MSL2: variants seen among roughly 807,000 people sequenced by gnomAD.
The protein encoded by MSL2 is MSL complex subunit 2, also known as E3 ubiquitin-protein ligase MSL2.
MSL2 carries 2 observed loss-of-function variants against 35.8 expected under a neutral mutation model. The ratio of observed to expected loss-of-function variants is 0.06; its 90% CI spans 0.02 to 0.18. MSL2 has a LOEUF of 0.18. MSL2 is among the 10% of genes least tolerant of loss of function. MSL2 has a pLI of 1.00. For missense variants in MSL2, 523 were observed against 706.7 expected, an observed-to-expected ratio of 0.74 and a Z score of 2.95; for synonymous variants, 296 against 255.7, an observed-to-expected ratio of 1.16 and a Z score of -1.50.
intron 1 of MSL2, among the ~76,000 whole-genome samples, chr3:136,175,142 G>A (rs982119513): frequency 1.4e-4 from 22 of 151,958 alleles, no homozygotes; most frequent in African/African-American, 3.9e-4. Flanking sequence ...TCAGGAGTTC[G>A]ATACCAGCCT....
chr3:136,168,347 A>G (rs1460773769), intron 1 of MSL2, among the ~76,000 whole-genome samples: 3 of 152,244 alleles, frequency 2.0e-5, no homozygotes, highest in African/African-American at 4.8e-5. Context: ...GAAAAAGAAC[A>G]CAAACCAGTT....
At chr3:136,184,045 C>G (rs1156928598) in intron 1 of MSL2, among the ~76,000 whole-genome samples, 1 of 152,196 alleles carries the variant, frequency 6.6e-6, no homozygotes, top group East Asian at 1.9e-4. Flanking sequence ...CCTGTAATCG[C>G]AGCACTTTGG....
Position 136,195,341 on chromosome 3 carries a change from T to G in MSL2, c.-228A>C. The G allele has an allele frequency of 7.6e-7, 1 of 1,320,148 alleles. No individual in the cohort carries two copies. Among genetic ancestry groups the G allele is most frequent in the Non-Finnish European group, 9.6e-7 (1 of 1,037,670 alleles). The allele number at this position is 1,320,148 out of a possible 1,614,324, so 81.8% of individuals were successfully genotyped here. A position where few individuals can be genotyped will look rare whatever the true frequency, so the allele number is the denominator to read the frequency against. ...CCCTGAGACTTCCAGACCAAAAATA[T>G]GAGAGAGAAACCAGCGTTCGAGTTC... On this transcript the variant is annotated 5_prime_UTR_variant, in exon 1 of 2. Coordinates refer to ENST00000309993, the MANE Select transcript of MSL2 (RefSeq NM_018133.4).
chr3:136,173,866 C>G (rs995635909), intron 1 of MSL2, among the ~76,000 whole-genome samples: 1 of 152,194 alleles, frequency 6.6e-6, no homozygotes, highest in African/African-American at 2.4e-5. Context: ...TAAGCTTTCT[C>G]CAAGAACTCC....
chr3:136,192,583 T>TAA lies in MSL2; in HGVS notation c.142+2387_142+2388dup, dbSNP rs59221992. Among the ~76,000 whole-genome samples the TAA allele has an allele frequency of 6.6e-3, 850 of 129,626 alleles. 10 individuals are homozygous for TAA. The highest frequency in any genetic ancestry group is 0.022 in the African/African-American group (803 of 35,756). The allele number at this position is 129,626 out of a possible 152,430, so 85.0% of individuals were successfully genotyped here. A position where few individuals can be genotyped will look rare whatever the true frequency, so the allele number is the denominator to read the frequency against. ...CAGAAGAAAATTAAGAAAGCAAAGATAAAAAAAAAAAGAAAAAGATATAAA... is the reference window on the plus strand; with the variant it reads ...CAGAAGAAAATTAAGAAAGCAAAGATAAAAAAAAAAAAAGAAAAAGATATAAA... On this transcript the variant is annotated intron_variant, in intron 1 of 1. Coordinates refer to ENST00000309993, the MANE Select transcript of MSL2 (RefSeq NM_018133.4).
At chr3:136,183,347 G>C (rs576174196) in intron 1 of MSL2, among the ~76,000 whole-genome samples, 1 of 152,276 alleles carries the variant, frequency 6.6e-6, no homozygotes, top group East Asian at 1.9e-4. Context: ...AAATACTTGA[G>C]GCCAAGAGTT....
chr3:136,180,033 C>T lies in MSL2; in HGVS notation c.142+14939G>A, dbSNP rs549836545. ...TGAGCTGAGATCCCTCCACTGCACT[C>T]CAGCTTGGGCAACAGAGCGAGACTC... On this transcript the variant is annotated intron_variant, in intron 1 of 1. Coordinates refer to ENST00000309993, the MANE Select transcript of MSL2 (RefSeq NM_018133.4). 2.0e-5 allele frequency among the ~76,000 whole-genome samples: 3 copies of T among 152,110 alleles called. No homozygotes were observed. The East Asian group carries it at 5.8e-4, about 29-fold the overall frequency.
chr3:136,170,184 A>T (rs1197814853), intron 1 of MSL2, among the ~76,000 whole-genome samples: 3 of 150,398 alleles, frequency 2.0e-5, no homozygotes, highest in African/African-American at 4.9e-5. Context: ...TCTACTTAAA[A>T]ATATATATAT....
rs1460505083 is a variant in MSL2 at position 136,152,323 on chromosome 3, A to G, written c.558T>C (p.Ile186=). ...PMSESTLSIA[I]GSSVINGLPT... The stretch of plus-strand genomic sequence containing the variant: ...GCAAACCATTGATAACAGAACTGCC[A>G]ATAGCAATGCTGAGGGTGCTTTCAG... Residue 186 remains isoleucine, a synonymous_variant, in exon 2 of 2, where the codon ATT becomes ATC. Transcript: ENST00000309993. 1 of 1,614,158 alleles carries G rather than the reference A, an allele frequency of 6.2e-7. No individual in the cohort carries two copies. The highest frequency in any genetic ancestry group is 1.7e-5 in the Admixed American group (1 of 60,024).
intron 1 of MSL2, among the ~76,000 whole-genome samples, chr3:136,172,843 C>T (rs1312082836): frequency 6.6e-6 from 1 of 152,068 alleles, no homozygotes; most frequent in African/African-American, 2.4e-5. Context: ...CCTTTTGAAA[C>T]AGACATGACA....
In MSL2 at chr3:136,153,727, T is replaced by A. The variant is rs1185640928; in HGVS notation, c.143-989A>T. The stretch of plus-strand genomic sequence containing the variant: ...ATCACTTGAACCCAGGAAACTGAGG[T>A]AGCAGTGAGCTGAGATCACACCACT... On this transcript the variant is annotated intron_variant, in intron 1 of 1. Coordinates refer to ENST00000309993, the MANE Select transcript of MSL2 (RefSeq NM_018133.4). Among the ~76,000 whole-genome samples, 3 of 149,598 alleles carry A rather than the reference T, an allele frequency of 2.0e-5. No individual in the cohort carries two copies. In the Admixed American group the frequency reaches 2.0e-4, roughly 10 times the overall value.
At chr3:136,158,653 C>G (rs1939604561) in intron 1 of MSL2, among the ~76,000 whole-genome samples, 1 of 151,858 alleles carries the variant, frequency 6.6e-6, no homozygotes, top group South Asian at 2.1e-4. Context: ...GGCATCAAGA[C>G]TAAAAAGAAA....
In MSL2 at chr3:136,195,830, G is replaced by T. The variant is rs927578601; in HGVS notation, c.-717C>A. ...CGGGAGTCCTCAACCCGGAGGGGAA[G>T]GCCGGGGAGGAAGTGCGCGGGCCGC... is the stretch of plus-strand genomic sequence containing the variant. On this transcript the variant is annotated 5_prime_UTR_variant, in exon 1 of 2. Coordinates refer to ENST00000309993, the MANE Select transcript of MSL2 (RefSeq NM_018133.4). 13 of 984,792 alleles carry T rather than the reference G, an allele frequency of 1.3e-5. No individual in the cohort carries two copies. The highest frequency in any genetic ancestry group is 1.4e-5 in the Non-Finnish European group (12 of 829,764). 61.0% of individuals were successfully genotyped at this position (984,792 alleles called of 1,614,324 possible). A position where few individuals can be genotyped will look rare whatever the true frequency, so the allele number is the denominator to read the frequency against.
rs1239389987 is a variant in MSL2 at position 136,152,742 on chromosome 3, A to C, written c.143-4T>G. On this transcript the variant is annotated splice_region_variant and splice_polypyrimidine_tract_variant and intron_variant, in intron 1 of 1. Coordinates refer to ENST00000309993, the MANE Select transcript of MSL2 (RefSeq NM_018133.4). ...ATAGGATCTTGTAGCAAATGTCCTA[A>C]GGGGGAGAAGGAGGAAAGCAAAGAT... The C allele has an allele frequency of 1.1e-5, 18 of 1,603,714 alleles. No homozygotes were observed. The East Asian group carries it at 3.8e-4, about 34-fold the overall frequency.
Position 136,161,064 on chromosome 3 carries a change from C to G in MSL2, c.143-8326G>C, listed in dbSNP as rs145996810. On this transcript the variant is annotated intron_variant, in intron 1 of 1. Transcript: ENST00000309993. Reference sequence around the variant, plus strand: ...AGAGCGCCACTGCACTCCAGCCTGACGACAGAGCAAAGGTTCCATCTCAAA... The same window carrying G: ...AGAGCGCCACTGCACTCCAGCCTGAGGACAGAGCAAAGGTTCCATCTCAAA... Among the ~76,000 whole-genome samples, 62 of 152,100 alleles carry G rather than the reference C, an allele frequency of 4.1e-4. 2 individuals are homozygous for G. The East Asian group carries it at 0.011, about 27-fold the overall frequency.
intron 1 of MSL2, among the ~76,000 whole-genome samples, chr3:136,192,692 T>C (rs544707470): frequency 7.9e-5 from 12 of 152,114 alleles, no homozygotes; most frequent in African/African-American, 2.7e-4. Flanking sequence ...GATGAAAAGG[T>C]AGTAGCGGGT....
chr3:136,175,307 G>C (rs1940142561), intron 1 of MSL2, among the ~76,000 whole-genome samples: 1 of 150,556 alleles, frequency 6.6e-6, no homozygotes, highest in Non-Finnish European at 1.5e-5. Context: ...TCGCGCCACT[G>C]CACTCCAGCC....
chr3:136,151,661 C>G lies in MSL2; in HGVS notation c.1220G>C (p.Ser407Thr). 6.2e-7 allele frequency: 1 copy of G among 1,614,088 alleles called. No homozygotes were observed. Among genetic ancestry groups the G allele is most frequent in the Non-Finnish European group, 8.5e-7 (1 of 1,180,020 alleles). ...ISKTVLLSTK[S>T]MKKSHEHGSK... ...TCCATGTTCATGACTCTTTTTCATG[C>G]TTTTAGTAGATAAAAGTACAGTTTT... The change falls in exon 2 of 2, where the codon AGC becomes ACC. Residue 407 changes from serine to threonine, a missense_variant. Transcript: ENST00000309993. This position sits in a 1 kb window ranked among gnomAD's most constrained non-coding sequence, Gnocchi z 5.2.
At chr3:136,190,498 CTG>C in intron 1 of MSL2, among the ~76,000 whole-genome samples, 1 of 149,806 alleles carries the variant, frequency 6.7e-6, no homozygotes, top group East Asian at 2.0e-4. Flanking sequence ...TGAACTATGA[CTG>C]CACCACTGCA....
Sources: gnomAD v4.1 joint callset for allele counts (sites outside exome capture counted in the v4.1 genomes callset) on GRCh38, gnomAD v4.1.1 for gene constraint, Gnocchi (gnomAD v3.1) non-coding constraint, MANE v1.5 for transcripts, NCBI Gene and HGNC (gene_info 2026-07-23, HGNC 2026-07-21) for gene names.